Variants in CAB39 observed in about 807,000 individuals in gnomAD.
CAB39 encodes calcium binding protein 39, also known as calcium-binding protein 39.
Under a neutral mutation model 40.0 loss-of-function variants are expected in CAB39, and 8 were observed. The observed-to-expected ratio is 0.20, with a 90% CI of 0.12 to 0.36. The LOEUF (loss-of-function observed/expected upper bound fraction) is 0.36. Among genes scored for constraint, CAB39 ranks in the 10% least tolerant of loss-of-function variants. The pLI, the probability that CAB39 is intolerant of heterozygous loss-of-function variation, is 1.00. For synonymous variants in CAB39, 156 were observed against 141.6 expected (o/e 1.10, Z -0.72); for missense variants, 270 against 401.1 (o/e 0.67, Z 2.79).
chr2:230,774,649 A>C (rs550332663), intron 2 of CAB39, among the ~76,000 whole-genome samples: 1 of 152,320 alleles, frequency 6.6e-6, no homozygotes, highest in African/African-American at 2.4e-5. Flanking sequence ...ACAGGGTTGA[A>C]TAGCTATATT....
In CAB39 at chr2:230,766,173, A is replaced by G. The variant is rs189589391; in HGVS notation, c.114+6058A>G. On this transcript the variant is annotated intron_variant, in intron 2 of 8. Transcript: ENST00000258418. ...AAAACAGTGAAAAACAACTGATGTC[A>G]TACTGAAAATCTGATGACTATAAAC... 9.8e-5 allele frequency among the ~76,000 whole-genome samples: 15 copies of G among 152,354 alleles called. 1 individual carries two copies. In the East Asian group the frequency reaches 2.7e-3, roughly 27 times the overall value.
chr2:230,786,338 T>A (rs1383888596), intron 2 of CAB39, among the ~76,000 whole-genome samples: 1 of 142,408 alleles, frequency 7.0e-6, no homozygotes, highest in Non-Finnish European at 1.5e-5. Context: ...CCTGTCTCTC[T>A]CTTTCCTTCC....
chr2:230,817,336 A>C (rs752797144), intron 7 of CAB39, among the ~76,000 whole-genome samples: 3 of 152,248 alleles, frequency 2.0e-5, no homozygotes, highest in Non-Finnish European at 2.9e-5. Context: ...CCGCTAAATA[A>C]AATTTAAAAA....
intron 1 of CAB39, among the ~76,000 whole-genome samples, chr2:230,737,475 CAAT>C (rs1467883180): frequency 6.6e-6 from 1 of 152,162 alleles, no homozygotes; most frequent in Non-Finnish European, 1.5e-5. Context: ...GTATGGTTAA[CAAT>C]AACCCCAGCA....
At chr2:230,719,610 T>C (rs1156735562) in intron 1 of CAB39, among the ~76,000 whole-genome samples, 2 of 152,190 alleles carry the variant, frequency 1.3e-5, no homozygotes, top group Non-Finnish European at 2.9e-5. Context: ...GTAGAGAAGA[T>C]GGGAGGCCTG....
At chr2:230,714,049 T>G (rs1694304113) in intron 1 of CAB39, 1 of 152,014 alleles carries the variant, frequency 6.6e-6, no homozygotes, top group Admixed American at 6.6e-5. Context: ...AGAGGAGGAT[T>G]GCAGAAGAGG....
At chr2:230,791,118 T>C in intron 3 of CAB39, 82 bp downstream of exon 3, 1 of 1,080,102 alleles carries the variant, frequency 9.3e-7, no homozygotes, top group Non-Finnish European at 1.3e-6. Flanking sequence ...TGGAACATTG[T>C]AAGATTCCTT....
chr2:230,785,134 A>G (rs1695766638), intron 2 of CAB39, among the ~76,000 whole-genome samples: 2 of 152,184 alleles, frequency 1.3e-5, no homozygotes, highest in South Asian at 2.1e-4. Context: ...TATACACACT[A>G]ATAGTGCACA....
intron 1 of CAB39, among the ~76,000 whole-genome samples, chr2:230,758,520 C>T (rs1191583835): frequency 2.0e-5 from 3 of 152,158 alleles, no homozygotes; most frequent in Non-Finnish European, 4.4e-5. Context: ...TTGACATTAG[C>T]ATTCATTTGC....
chr2:230,804,518 G>C (rs1696154440), intron 5 of CAB39, among the ~76,000 whole-genome samples: 1 of 152,074 alleles, frequency 6.6e-6, no homozygotes. Flanking sequence ...CTAATATCCA[G>C]AATCTACAAA....
chr2:230,786,604 A>G (rs747541221), intron 2 of CAB39, among the ~76,000 whole-genome samples: 6 of 152,196 alleles, frequency 3.9e-5, no homozygotes, highest in Non-Finnish European at 7.3e-5. Context: ...AAATTTGAAA[A>G]TCATATAATA....
chr2:230,731,537 T>C (rs1044673139), intron 1 of CAB39, among the ~76,000 whole-genome samples: 2 of 152,244 alleles, frequency 1.3e-5, no homozygotes, highest in African/African-American at 2.4e-5. Flanking sequence ...AAAGTCTCAC[T>C]GTCACCGAGG....
intron 7 of CAB39, 21 bp downstream of exon 7, chr2:230,814,135 T>A: frequency 8.0e-7 from 1 of 1,243,036 alleles, no homozygotes. Context: ...CCATTTTGTA[T>A]AGCTTATTTC....
At chr2:230,807,936 G>A (rs1048466809) in intron 5 of CAB39, among the ~76,000 whole-genome samples, 2 of 152,022 alleles carry the variant, frequency 1.3e-5, no homozygotes, top group Admixed American at 6.6e-5. Context: ...CGATTTAGTC[G>A]CAAAAAGTTA....
intron 1 of CAB39, among the ~76,000 whole-genome samples, chr2:230,748,832 ATATATAT>A (rs1323086262): frequency 0.011 from 245 of 21,706 alleles, 3 homozygotes; most frequent in Non-Finnish European, 0.014. Context: ...AAAAAAAAAA[ATATATAT>A]ATATATATAT....
chr2:230,717,832 A>C (rs1047846824), intron 1 of CAB39, among the ~76,000 whole-genome samples: 18 of 152,180 alleles, frequency 1.2e-4, no homozygotes, highest in African/African-American at 4.3e-4. Flanking sequence ...TGTGGTTTAT[A>C]GCAGCTGTGA....
At chr2:230,816,157 C>G (rs1343556238) in intron 7 of CAB39, among the ~76,000 whole-genome samples, 2 of 152,200 alleles carry the variant, frequency 1.3e-5, no homozygotes, top group African/African-American at 4.8e-5. Context: ...CCTGTAGTCC[C>G]AGCTACTTGG....
At chr2:230,808,315 C>T (rs1015441512) in intron 5 of CAB39, among the ~76,000 whole-genome samples, 4 of 152,138 alleles carry the variant, frequency 2.6e-5, no homozygotes, top group Admixed American at 1.3e-4. Flanking sequence ...CTCCTGACCT[C>T]AGGTGATCCA....
chr2:230,728,056 T>G (rs1441637614), intron 1 of CAB39, among the ~76,000 whole-genome samples: 1 of 151,846 alleles, frequency 6.6e-6, no homozygotes, highest in African/African-American at 2.4e-5. Context: ...CTGGTCAACA[T>G]GGTGAAACCC....
Sources: gnomAD v4.1 joint callset for allele counts (sites outside exome capture counted in the v4.1 genomes callset) on GRCh38, gnomAD v4.1.1 for gene constraint, MANE v1.5 for transcripts, NCBI Gene and HGNC (gene_info 2026-07-23, HGNC 2026-07-21) for gene names.